MIS12: variants seen among roughly 807,000 people sequenced by gnomAD.
MIS12 encodes the protein protein MIS12 homolog.
MIS12 carries 13 observed loss-of-function variants against 16.5 expected under a neutral mutation model. That is an observed-to-expected ratio of 0.79 (90% confidence interval 0.51 to 1.25). The LOEUF (loss-of-function observed/expected upper bound fraction) is 1.25, where lower values mean the gene tolerates loss of function less well. Ranked by LOEUF, MIS12 falls within the 50% of genes most tolerant of loss-of-function variation. The pLI, the probability that MIS12 is intolerant of heterozygous loss-of-function variation, is 0.00. For missense variants in MIS12, 199 were observed against 239.5 expected (o/e 0.83, Z 1.12); for synonymous variants, 97 against 87.3 (o/e 1.11, Z -0.62).
In MIS12 at chr17:5,488,882, C is replaced by T. The variant is rs1169267184; in HGVS notation, c.20C>T (p.Thr7Ile). MSVDPM[T>I]YEAQFFGFTP... ...GCCAAGATGTCTGTGGATCCAATGA[C>T]CTACGAGGCCCAGTTCTTTGGCTTC... Residue 7 changes from threonine to isoleucine, a missense_variant, in exon 3 of 3, where the codon ACC becomes ATC. Transcript: ENST00000611091. 2 of 1,613,022 alleles carry T rather than the reference C, an allele frequency of 1.2e-6. No homozygotes were observed. The highest frequency in any genetic ancestry group is 1.7e-5 in the Admixed American group (1 of 59,986).
chr17:5,489,254 A>C lies in MIS12; in HGVS notation c.392A>C (p.Glu131Ala). 1 of 1,614,146 alleles carries C rather than the reference A, an allele frequency of 6.2e-7. No homozygotes were observed. The highest frequency in any genetic ancestry group is 8.5e-7 in the Non-Finnish European group (1 of 1,180,044). The change falls in exon 3 of 3, where the codon GAA (glutamate) becomes GCA (alanine). Residue 131 changes from glutamate to alanine, a missense_variant. Physicochemically the swap from Glu to Ala is moderately radical, Grantham distance 107. Transcript: ENST00000611091. The part of the protein sequence containing the change: ...IEQLQEKYKT[E>A]LCTKQALLAE... ...CAGTTACAGGAGAAGTACAAGACTG[A>C]ATTATGTACTAAGCAGGCCCTTCTT...
chr17:5,489,553 T>G lies in MIS12; in HGVS notation c.*73T>G, dbSNP rs1029736821. The G allele has an allele frequency of 2.8e-6, 4 of 1,450,216 alleles. No individual in the cohort carries two copies. Among genetic ancestry groups the G allele is most frequent in the African/African-American group, 2.9e-5 (2 of 70,128 alleles). The allele number at this position is 1,450,216 out of a possible 1,614,324, so 89.8% of individuals were successfully genotyped here. On this transcript the variant is annotated 3_prime_UTR_variant, in exon 3 of 3. Transcript: ENST00000611091. ...GGACTGTTCAAACCATAAGGACTGT[T>G]CAAATCATACCAGTGACTGTTCAAA...
intron 2 of MIS12, 51 bp from the exon 3 acceptor site, chr17:5,488,772 T>C (rs2151718845): frequency 1.4e-6 from 2 of 1,421,116 alleles, no homozygotes; most frequent in Non-Finnish European, 1.9e-6. Flanking sequence ...GGTTACTTCC[T>C]GCAGAAGATT....
rs73973806 is a variant in MIS12 at position 5,489,848 on chromosome 17, C to T, written c.*368C>T. The T allele has an allele frequency of 0.027, 4,827 of 178,930 alleles. 252 individuals are homozygous for T. The highest frequency in any genetic ancestry group is 0.11 in the African/African-American group (4,521 of 41,946). The allele number at this position is 178,930 out of a possible 1,614,324, so 11.1% of individuals were successfully genotyped here. ...GAGACCAGACAAGAAAAGGATTAAACGGGTGGCTCCTTTAATATTATTATT... is the reference window on the plus strand; with the variant it reads ...GAGACCAGACAAGAAAAGGATTAAATGGGTGGCTCCTTTAATATTATTATT... On this transcript the variant is annotated 3_prime_UTR_variant, in exon 3 of 3. Transcript: ENST00000611091.
chr17:5,488,736 CTTTG>C (rs1906551613), intron 2 of MIS12, 83 bp from the exon 3 acceptor site: 2 of 1,038,316 alleles, frequency 1.9e-6, no homozygotes, highest in Non-Finnish European at 2.7e-6. Flanking sequence ...TGATTTGCTT[CTTTG>C]TTTGCTATCT....
intron 1 of MIS12, among the ~76,000 whole-genome samples, chr17:5,487,901 A>G (rs1255509921): frequency 1.3e-5 from 2 of 152,202 alleles, no homozygotes; most frequent in Non-Finnish European, 2.9e-5. Context: ...GCTTATTGCA[A>G]ATTATTTCAT....
rs892720233 is a variant in MIS12 at position 5,490,557 on chromosome 17, G to A, written c.*1077G>A. On this transcript the variant is annotated 3_prime_UTR_variant, in exon 3 of 3. Transcript: ENST00000611091. ...ATGGAATCTAATATTTCTTTATGTC[G>A]TTAGTCCCTGTAAAATGTTAGGTCA... 1.8e-5 allele frequency: 3 copies of A among 166,950 alleles called. No individual in the cohort carries two copies. Among genetic ancestry groups the A allele is most frequent in the Non-Finnish European group, 4.4e-5 (3 of 68,088 alleles). The allele number at this position is 166,950 out of a possible 1,614,324, so 10.3% of individuals were successfully genotyped here. A position where few individuals can be genotyped will look rare whatever the true frequency, so the allele number is the denominator to read the frequency against.
upstream of MIS12, chr17:5,486,417 A>G (rs1906321632): frequency 4.5e-6 from 2 of 447,118 alleles, no homozygotes; most frequent in Non-Finnish European, 8.2e-6. Context: ...TCCGGGAAAA[A>G]CGAGTAAGTA....
At position 5,488,819 on chromosome 17, in the gene MIS12, G is replaced by T; in HGVS notation, c.-40-4G>T. ...AATGAATTATTTCCTTTTTACATTT[G>T]CAGGTTTTTCACGACTGAAAACAAC... On this transcript the variant is annotated splice_polypyrimidine_tract_variant and splice_region_variant and intron_variant, in intron 2 of 2. Transcript: ENST00000611091. 9 of 1,551,526 alleles carry T rather than the reference G, an allele frequency of 5.8e-6. No homozygotes were observed. Among genetic ancestry groups the T allele is most frequent in the East Asian group, 4.5e-5 (2 of 43,998 alleles).
rs773525580 is a variant in MIS12, at chr17:5,489,377, G to A, written c.515G>A (p.Ser172Asn). 2 of 1,613,994 alleles carry A rather than the reference G, an allele frequency of 1.2e-6. No homozygotes were observed. The highest frequency in any genetic ancestry group is 2.7e-5 in the African/African-American group (2 of 74,942). The change falls in exon 3 of 3, where the codon AGT (serine) becomes AAT (asparagine). Residue 172 changes from serine to asparagine, a missense_variant. Coordinates refer to ENST00000611091, the MANE Select transcript of MIS12 (RefSeq NM_001258217.2). ...LHNVGRDHGT[S>N]DFRESLVSLV... ...AATGTTGGCAGAGATCATGGGACTA[G>A]TGATTTTAGGGAGAGTTTAGTATCC...
In MIS12 at chr17:5,488,931, G is replaced by A. The variant is rs776441829; in HGVS notation, c.69G>A (p.Arg23=). 2.5e-6 allele frequency: 4 copies of A among 1,614,074 alleles called. No homozygotes were observed. In the Admixed American group the frequency reaches 6.7e-5, roughly 27 times the overall value. ...FGFTPQTCML[R]IYIAFQDYLF... ...TCACGCCACAAACGTGCATGCTTCG[G>A]ATCTACATTGCATTTCAAGACTACC... Residue 23 remains arginine (R), a synonymous_variant, in exon 3 of 3, where the codon CGG becomes CGA. Transcript: ENST00000611091.
Position 5,488,487 on chromosome 17 carries a change from G to A in MIS12, c.-143G>A. The A allele has an allele frequency of 1.6e-5, 3 of 182,988 alleles. No individual in the cohort carries two copies. The highest frequency in any genetic ancestry group is 1.1e-4 in the South Asian group (1 of 8,766). 11.3% of individuals were successfully genotyped at this position (182,988 alleles called of 1,614,324 possible). ...AAAGGTGGAGCTATAGGTCATTGAAGCTCAAGAAACTGAGTCTCTAGGGCA... is the reference window on the plus strand; with the variant it reads ...AAAGGTGGAGCTATAGGTCATTGAAACTCAAGAAACTGAGTCTCTAGGGCA... On this transcript the variant is annotated 5_prime_UTR_variant, in exon 2 of 3. Coordinates refer to ENST00000611091, the MANE Select transcript of MIS12 (RefSeq NM_001258217.2).
Position 5,488,470 on chromosome 17 carries a change from A to C in MIS12, c.-160A>C. The C allele has an allele frequency of 1.2e-5, 2 of 171,454 alleles. No individual in the cohort carries two copies. Among genetic ancestry groups the C allele is most frequent in the Admixed American group, 5.7e-5 (1 of 17,580 alleles). The allele number at this position is 171,454 out of a possible 1,614,324, so 10.6% of individuals were successfully genotyped here. ...CAAGAGCCAGGTGGCTAAAAGGTGGAGCTATAGGTCATTGAAGCTCAAGAA... is the reference window on the plus strand; with the variant it reads ...CAAGAGCCAGGTGGCTAAAAGGTGGCGCTATAGGTCATTGAAGCTCAAGAA... On this transcript the variant is annotated 5_prime_UTR_variant, in exon 2 of 3. Coordinates refer to ENST00000611091, the MANE Select transcript of MIS12 (RefSeq NM_001258217.2).
rs764468542 is a variant in MIS12, at chr17:5,489,225, T to C, written c.363T>C (p.Ile121=). The change falls in exon 3 of 3, where the codon ATT becomes ATC. Residue 121 remains isoleucine, a synonymous_variant. Transcript: ENST00000611091. ...ATTTTCAGCATCTCCAGAAAGAAAT[T>C]GAACAGTTACAGGAGAAGTACAAGA... is the stretch of plus-strand genomic sequence containing the variant. ...EEDFQHLQKE[I]EQLQEKYKTE... The C allele has an allele frequency of 7.4e-6, 12 of 1,614,058 alleles. No homozygotes were observed. The African/African-American group carries it at 1.2e-4, about 16-fold the overall frequency.
Position 5,489,447 on chromosome 17 carries a change from G to A in MIS12, c.585G>A (p.Val195=), listed in dbSNP as rs746592472. 3.1e-6 allele frequency: 5 copies of A among 1,590,924 alleles called. No individual in the cohort carries two copies. Among genetic ancestry groups the A allele is most frequent in the South Asian group, 1.2e-5 (1 of 86,340 alleles). Residue 195 remains valine (V), a synonymous_variant, in exon 3 of 3, where the codon GTG becomes GTA. Coordinates refer to ENST00000611091, the MANE Select transcript of MIS12 (RefSeq NM_001258217.2). ...AACTACAGAACATTAGAGACAATGT[G>A]GAAAAGGAATCGAAACGACTGAAAA... ...SRKLQNIRDN[V]EKESKRLKIS is the part of the protein sequence containing the mutation.
chr17:5,489,033 A>G lies in MIS12; in HGVS notation c.171A>G (p.Pro57=), dbSNP rs1421174673. Residue 57 remains proline, a synonymous_variant, in exon 3 of 3, where the codon CCA becomes CCG. Transcript: ENST00000611091. ...GCATCCCAGACTGTGACATTAGCCC[A>G]GTGCAGATTCGCAAATGCACAGAGA... is the stretch of plus-strand genomic sequence containing the variant. ...LDGIPDCDIS[P]VQIRKCTEKF... 1.9e-6 allele frequency: 3 copies of G among 1,614,154 alleles called. No individual in the cohort carries two copies. The highest frequency in any genetic ancestry group is 2.5e-6 in the Non-Finnish European group (3 of 1,180,052).
In MIS12 at chr17:5,488,778, A is replaced by T; in HGVS notation, c.-40-45A>T. ...AATGTGATTGGTTACTTCCTGCAGA[A>T]GATTTTTTTTTTCCAAATGAATTAT... On this transcript the variant is annotated intron_variant, in intron 2 of 2. Transcript: ENST00000611091. The T allele has an allele frequency of 2.1e-6, 3 of 1,441,128 alleles. No homozygotes were observed. The South Asian group carries it at 4.1e-5, about 20-fold the overall frequency. 89.3% of individuals were successfully genotyped at this position (1,441,128 alleles called of 1,614,324 possible).
rs752037683 is a variant in MIS12, at chr17:5,488,955, C to A, written c.93C>A (p.Tyr31Ter). 7 of 1,614,166 alleles carry A rather than the reference C, an allele frequency of 4.3e-6. No individual in the cohort carries two copies. The highest frequency in any genetic ancestry group is 5.9e-6 in the Non-Finnish European group (7 of 1,180,018). Reference protein sequence around the residue: ...MLRIYIAFQDYLFEVMQAVEQ... With the variant: ...MLRIYIAFQD ...GGATCTACATTGCATTTCAAGACTA[C>A]CTATTTGAAGTGATGCAGGCCGTTG... is the stretch of plus-strand genomic sequence containing the variant. The change falls in exon 3 of 3, where the codon TAC (tyrosine) becomes TAA (stop). Residue 31 changes from tyrosine to a stop codon, truncating the protein, a stop_gained. Transcript: ENST00000611091. LOFTEE classifies it high-confidence loss of function.
Position 5,489,757 on chromosome 17 carries a change from T to C in MIS12, c.*277T>C, listed in dbSNP as rs1197162361. ...AAGAAGCCATGACCAGTTAAAGATATTTGCAGAGTTACACCTTGGTCATAA... is the reference window on the plus strand; with the variant it reads ...AAGAAGCCATGACCAGTTAAAGATACTTGCAGAGTTACACCTTGGTCATAA... On this transcript the variant is annotated 3_prime_UTR_variant, in exon 3 of 3. Coordinates refer to ENST00000611091, the MANE Select transcript of MIS12 (RefSeq NM_001258217.2). 2 of 329,434 alleles carry C rather than the reference T, an allele frequency of 6.1e-6. No homozygotes were observed. The highest frequency in any genetic ancestry group is 9.2e-5 in the Admixed American group (2 of 21,756). 20.4% of individuals were successfully genotyped at this position (329,434 alleles called of 1,614,324 possible).
Sources: gnomAD v4.1 joint callset for allele counts (sites outside exome capture counted in the v4.1 genomes callset) on GRCh38, gnomAD v4.1.1 for gene constraint, MANE v1.5 for transcripts, NCBI Gene and HGNC (gene_info 2026-07-23, HGNC 2026-07-21) for gene names.